PHF24: variants seen among roughly 807,000 people sequenced by gnomAD.
The protein encoded by PHF24 is PHD finger protein 24, also known as Galpha inhibitory interacting protein.
A neutral mutation model predicts 42.6 loss-of-function variants in PHF24; 25 were observed. The observed-to-expected ratio is 0.59, with a 90% CI of 0.43 to 0.82. The LOEUF (loss-of-function observed/expected upper bound fraction) is 0.82, where lower values mean the gene tolerates loss of function less well. Ranked by LOEUF, PHF24 falls within the 40% of genes least tolerant of loss-of-function variation. PHF24 has a pLI of 0.00. For synonymous variants in PHF24, 185 were observed against 204.8 expected (o/e 0.90, Z 0.83); for missense variants, 470 against 538.1 (o/e 0.87, Z 1.25).
the PHF24 span, among the ~76,000 whole-genome samples, chr9:34,668,107 C>T: frequency 6.6e-6 from 1 of 152,286 alleles, no homozygotes; most frequent in African/African-American, 2.4e-5. Flanking sequence ...GCAGAGTCCC[C>T]AGAGTTGTTG....
the PHF24 span, among the ~76,000 whole-genome samples, chr9:34,690,645 G>A: frequency 0.044 from 6,759 of 152,104 alleles, 228 homozygotes; most frequent in South Asian, 0.067. Context: ...CTCTCTCCCA[G>A]GACAATCCAG....
chr9:34,717,908 G>A, the PHF24 span, among the ~76,000 whole-genome samples: 53 of 152,296 alleles, frequency 3.5e-4, no homozygotes, highest in Admixed American at 1.6e-3. Context: ...TCCTTACTCT[G>A]AACTAGTTTC....
At chr9:34,896,780 G>T in the PHF24 span, among the ~76,000 whole-genome samples, 1 of 152,004 alleles carries the variant, frequency 6.6e-6, no homozygotes. Flanking sequence ...CAATATTATG[G>T]CATGTCCCCA....
the PHF24 span, among the ~76,000 whole-genome samples, chr9:34,927,749 C>T: frequency 2.0e-5 from 3 of 152,104 alleles, no homozygotes; most frequent in African/African-American, 7.2e-5. Context: ...CATCTCCACT[C>T]CCCCACCACA....
the PHF24 span, among the ~76,000 whole-genome samples, chr9:34,755,988 T>C: frequency 3.3e-5 from 5 of 152,236 alleles, no homozygotes; most frequent in African/African-American, 9.7e-5. Flanking sequence ...TGAGGTCTTA[T>C]TCATAAAACG....
chr9:34,971,421 A>G (rs1286652516), exon 2 of PHF24: 5 of 1,614,170 alleles, frequency 3.1e-6, no homozygotes, highest in Middle Eastern at 3.3e-4. Flanking sequence ...GTGAGCTGCC[A>G]GGGTCCCGCC....
chr9:34,740,082 T>TA, the PHF24 span, among the ~76,000 whole-genome samples: 2 of 152,156 alleles, frequency 1.3e-5, no homozygotes, highest in African/African-American at 4.8e-5. Context: ...TTGAACTAGA[T>TA]ACGGAGTGCC....
chr9:34,695,113 C>G, the PHF24 span, among the ~76,000 whole-genome samples: 14 of 152,300 alleles, frequency 9.2e-5, no homozygotes, highest in Admixed American at 2.6e-4. Flanking sequence ...AGAGTTGGAA[C>G]ATTCTCTAAC....
intron 1 of PHF24, among the ~76,000 whole-genome samples, chr9:34,961,143 C>T (rs190295506): frequency 3.7e-4 from 56 of 152,344 alleles, no homozygotes; most frequent in Admixed American, 8.5e-4. Context: ...AAGTGAATCA[C>T]ATTCATGCAA....
chr9:34,851,378 A>C, the PHF24 span, among the ~76,000 whole-genome samples: 1 of 151,874 alleles, frequency 6.6e-6, no homozygotes, highest in African/African-American at 2.4e-5. Context: ...AATCAGCGAG[A>C]CTCCGTGGGT....
At chr9:34,977,994 T>C (rs772965071) in intron 7 of PHF24, 21 bp from the exon 8 acceptor site, 40 of 1,589,798 alleles carry the variant, frequency 2.5e-5, no homozygotes, top group Non-Finnish European at 3.2e-5. Flanking sequence ...CTCACGACTC[T>C]GTTCTTTGCT....
chr9:34,778,664 T>C, the PHF24 span, among the ~76,000 whole-genome samples: 5 of 151,680 alleles, frequency 3.3e-5, no homozygotes, highest in Non-Finnish European at 7.4e-5. Context: ...ATTTCAACAA[T>C]AACTGTTAAA....
At chr9:34,674,937 G>C in the PHF24 span, among the ~76,000 whole-genome samples, 39 of 152,116 alleles carry the variant, frequency 2.6e-4, no homozygotes, top group African/African-American at 8.9e-4. Context: ...CGTGATCTCG[G>C]CTCACTGTAA....
the PHF24 span, among the ~76,000 whole-genome samples, chr9:34,772,586 A>G: frequency 6.6e-6 from 1 of 152,254 alleles, no homozygotes; most frequent in Non-Finnish European, 1.5e-5. Context: ...AAGTAGGAAA[A>G]TAAAAATGGA....
chr9:34,672,586 C>T, the PHF24 span, among the ~76,000 whole-genome samples: 4 of 152,040 alleles, frequency 2.6e-5, no homozygotes, highest in African/African-American at 9.7e-5. Flanking sequence ...TCTGCAGGGT[C>T]GTGAGGTGTG....
the PHF24 span, chr9:34,833,071 G>C: frequency 6.5e-7 from 1 of 1,531,000 alleles, no homozygotes; most frequent in Non-Finnish European, 8.7e-7. Context: ...CTTCAGCAGG[G>C]CGTCTCTCTT....
At chr9:34,944,790 T>A in the PHF24 span, among the ~76,000 whole-genome samples, 1 of 151,804 alleles carries the variant, frequency 6.6e-6, no homozygotes, top group Non-Finnish European at 1.5e-5. Context: ...GTGGGAGGAT[T>A]GCTTGAGTCC....
At chr9:34,740,018 G>A in the PHF24 span, among the ~76,000 whole-genome samples, 1 of 152,152 alleles carries the variant, frequency 6.6e-6, no homozygotes, top group Non-Finnish European at 1.5e-5. Context: ...GTCGATTGGT[G>A]CATTCACAAA....
chr9:34,879,394 A>G, the PHF24 span, among the ~76,000 whole-genome samples: 1 of 152,242 alleles, frequency 6.6e-6, no homozygotes, highest in Non-Finnish European at 1.5e-5. Context: ...GCTTCAGATG[A>G]TAGGTAATAA....
Sources: allele counts gnomAD v4.1 joint callset (sites outside exome capture counted in the v4.1 genomes callset), GRCh38; gene constraint gnomAD v4.1.1; transcripts MANE v1.5; gene names NCBI Gene and HGNC (gene_info 2026-07-23, HGNC 2026-07-21).